ZNF362: variants seen among roughly 807,000 people sequenced by gnomAD.
ZNF362 encodes zinc finger protein 362, also known as rotund homolog.
Under a neutral mutation model 42.9 loss-of-function variants are expected in ZNF362, and 11 were observed. The observed-to-expected ratio is 0.26, with a 90% CI of 0.16 to 0.42. The LOEUF is 0.42. Among genes scored for constraint, ZNF362 ranks in the 20% least tolerant of loss-of-function variants. The pLI is 1.00. For missense variants in ZNF362, 362 were observed against 576.2 expected (o/e 0.63, Z 3.81); for synonymous variants, 255 against 257.3 (o/e 0.99, Z 0.09).
chr1:33,190,639 C>T, the ZNF362 span, among the ~76,000 whole-genome samples: 2 of 152,210 alleles, frequency 1.3e-5, no homozygotes, highest in Admixed American at 1.3e-4. Context: ...TATGTCAGTT[C>T]ACACATTTCT....
chr1:33,298,068 G>C (rs1035420830), intron 8 of ZNF362, among the ~76,000 whole-genome samples: 1 of 152,208 alleles, frequency 6.6e-6, no homozygotes. Context: ...GCAGGTGGGA[G>C]TACCGCCTCT....
At chr1:33,217,130 G>T in the ZNF362 span, among the ~76,000 whole-genome samples, 2 of 152,098 alleles carry the variant, frequency 1.3e-5, no homozygotes, top group Admixed American at 6.6e-5. Context: ...TGACTTCCTG[G>T]CTCAGTGCTA....
the ZNF362 span, among the ~76,000 whole-genome samples, chr1:33,148,705 G>A: frequency 6.6e-6 from 1 of 152,140 alleles, no homozygotes; most frequent in Non-Finnish European, 1.5e-5. Flanking sequence ...ACTTGAAATT[G>A]TGAAAAGGTT....
At chr1:33,164,554 A>C in the ZNF362 span, 1 of 152,274 alleles carries the variant, frequency 6.6e-6, no homozygotes, top group Non-Finnish European at 1.5e-5. Flanking sequence ...TGGGATCAGA[A>C]CCCATGTCCT....
chr1:33,141,836 T>TA, the ZNF362 span: 4,692 of 166,388 alleles, frequency 0.028, 207 homozygotes, highest in African/African-American at 0.1. Context: ...TCCTGGAACT[T>TA]AAAAAAAAAT....
the ZNF362 span, among the ~76,000 whole-genome samples, chr1:33,173,754 A>G: frequency 4.6e-3 from 695 of 151,616 alleles, 5 homozygotes; most frequent in African/African-American, 0.016. Context: ...GCTGAAGTGC[A>G]GTGGTGCAAT....
chr1:33,248,792 T>A, the ZNF362 span, among the ~76,000 whole-genome samples: 1 of 152,190 alleles, frequency 6.6e-6, no homozygotes, highest in African/African-American at 2.4e-5. Context: ...ATCATAGCAA[T>A]GCAAAGGGGA....
the ZNF362 span, among the ~76,000 whole-genome samples, chr1:33,189,149 T>G: frequency 1.3e-5 from 2 of 152,210 alleles, no homozygotes; most frequent in Non-Finnish European, 1.5e-5. Context: ...TGAGTGGGAC[T>G]GTAGTGCAGT....
chr1:33,227,585 G>A, the ZNF362 span, among the ~76,000 whole-genome samples: 4 of 152,148 alleles, frequency 2.6e-5, no homozygotes, highest in Non-Finnish European at 2.9e-5. Context: ...CTCAGTTAAC[G>A]CCTTAGACAT....
At chr1:33,189,700 CATATAT>C in the ZNF362 span, among the ~76,000 whole-genome samples, 1 of 5,486 alleles carries the variant, frequency 1.8e-4, no homozygotes, top group African/African-American at 4.3e-4. Context: ...TATATATACA[CATATAT>C]ACGTATATAT....
At chr1:33,295,928 TCA>T (rs1477603141) in intron 8 of ZNF362, among the ~76,000 whole-genome samples, 1 of 152,212 alleles carries the variant, frequency 6.6e-6, no homozygotes, top group African/African-American at 2.4e-5. Context: ...ATGGATGAAC[TCA>T]CAGGGCTGTT....
At chr1:33,272,247 T>C (rs2148085221) in intron 2 of ZNF362, among the ~76,000 whole-genome samples, 1 of 152,220 alleles carries the variant, frequency 6.6e-6, no homozygotes, top group Non-Finnish European at 1.5e-5. Flanking sequence ...TGGTGTGTGG[T>C]TGGCCTTATA....
chr1:33,299,264 A>G lies in ZNF362; in HGVS notation c.*218A>G. On this transcript the variant is annotated 3_prime_UTR_variant, in exon 9 of 9. Transcript: ENST00000539719. Reference sequence around the variant, plus strand: ...TGGACTGTTTTGGTGGCATCCAAAGACGATCTCAGAGCACTTTGAACCTCT... The same window carrying G: ...TGGACTGTTTTGGTGGCATCCAAAGGCGATCTCAGAGCACTTTGAACCTCT... The G allele has an allele frequency of 2.0e-6, 1 of 497,046 alleles. No homozygotes were observed. Among genetic ancestry groups the G allele is most frequent in the Non-Finnish European group, 3.6e-6 (1 of 274,900 alleles). The allele number at this position is 497,046 out of a possible 1,614,324, so 30.8% of individuals were successfully genotyped here.
At chr1:33,203,753 A>T in the ZNF362 span, among the ~76,000 whole-genome samples, 2 of 152,110 alleles carry the variant, frequency 1.3e-5, no homozygotes, top group African/African-American at 4.8e-5. Flanking sequence ...ACACGTATTG[A>T]CCATTTTAAT....
intron 2 of ZNF362, among the ~76,000 whole-genome samples, chr1:33,271,271 TCA>T (rs1204363855): frequency 1.3e-5 from 2 of 152,320 alleles, no homozygotes; most frequent in East Asian, 3.9e-4. Flanking sequence ...GTGGCTCCCC[TCA>T]CACTGTTGGG....
At chr1:33,241,940 A>C in the ZNF362 span, among the ~76,000 whole-genome samples, 1 of 152,200 alleles carries the variant, frequency 6.6e-6, no homozygotes, top group Non-Finnish European at 1.5e-5. Flanking sequence ...CAAGCAAGTT[A>C]AGCTGGACTC....
the ZNF362 span, among the ~76,000 whole-genome samples, chr1:33,248,018 C>A: frequency 1.2e-4 from 18 of 152,346 alleles, no homozygotes; most frequent in African/African-American, 3.4e-4. Flanking sequence ...GTGTGTACTG[C>A]TTCTAATCCT....
rs1002360576 is a variant in ZNF362, at chr1:33,281,439, C to T, written c.684-148C>T. 1 of 720,006 alleles carries T rather than the reference C, an allele frequency of 1.4e-6. No homozygotes were observed. The highest frequency in any genetic ancestry group is 2.7e-5 in the East Asian group (1 of 37,012). The allele number at this position is 720,006 out of a possible 1,614,324, so 44.6% of individuals were successfully genotyped here. A position where few individuals can be genotyped will look rare whatever the true frequency, so the allele number is the denominator to read the frequency against. The stretch of plus-strand genomic sequence containing the variant: ...AGGGTGCCCAGGCTGGGAGACTGTC[C>T]CCTGTCTTTCCCAGGTGGTCCTGTG... On this transcript the variant is annotated intron_variant, in intron 5 of 8. Transcript: ENST00000539719. The surrounding 1 kb of genome is among the most constrained non-coding windows in gnomAD (Gnocchi z 4.8).
the ZNF362 span, among the ~76,000 whole-genome samples, chr1:33,168,870 C>T: frequency 6.6e-6 from 1 of 152,216 alleles, no homozygotes; most frequent in South Asian, 2.1e-4. Context: ...AAGACCCAGC[C>T]ACCCAGGCAG....
Sources: gnomAD v4.1 joint callset for allele counts (sites outside exome capture counted in the v4.1 genomes callset) on GRCh38, gnomAD v4.1.1 for gene constraint, Gnocchi (gnomAD v3.1) non-coding constraint, MANE v1.5 for transcripts, NCBI Gene and HGNC (gene_info 2026-07-23, HGNC 2026-07-21) for gene names.